SEPTIN14: variants seen among roughly 807,000 people sequenced by gnomAD.
SEPTIN14 encodes the protein septin-14.
In SEPTIN14, 40 loss-of-function variants were observed where a neutral mutation model predicts 53.6. The observed-to-expected ratio is 0.75, with a 90% CI of 0.58 to 0.97. The LOEUF is 0.97. SEPTIN14 is among the 50% of genes least tolerant of loss of function. The pLI, the probability that SEPTIN14 is intolerant of heterozygous loss-of-function variation, is 0.00. For missense variants in SEPTIN14, 471 were observed against 508.2 expected (o/e 0.93, Z 0.70); for synonymous variants, 138 against 166.8 (o/e 0.83, Z 1.33).
chr7:55,846,064 A>AATATATAT (rs1562718590), intron 3 of SEPTIN14, among the ~76,000 whole-genome samples: 2 of 7,384 alleles, frequency 2.7e-4, no homozygotes, highest in African/African-American at 5.7e-4. Context: ...AAAAAAAAAA[A>AATATATAT]GTATATATAT....
intron 6 of SEPTIN14, among the ~76,000 whole-genome samples, chr7:55,830,153 G>A (rs1789073962): frequency 6.8e-6 from 1 of 147,816 alleles, no homozygotes; most frequent in African/African-American, 2.5e-5. Flanking sequence ...ACTCCAGCCT[G>A]GGCGACAGAG....
intron 5 of SEPTIN14, among the ~76,000 whole-genome samples, chr7:55,837,555 C>T (rs755722833): frequency 1.3e-5 from 2 of 152,004 alleles, no homozygotes; most frequent in African/African-American, 4.8e-5. Context: ...TGAAAGCAGG[C>T]AGCTTGAACC....
chr7:55,830,879 T>G (rs77487852), intron 6 of SEPTIN14, among the ~76,000 whole-genome samples: 8,730 of 152,102 alleles, frequency 0.057, 458 homozygotes, highest in East Asian at 0.24. Flanking sequence ...CAGCCAAATT[T>G]TGCCACAAGT....
intron 9 of SEPTIN14, among the ~76,000 whole-genome samples, chr7:55,797,024 G>A (rs1476528968): frequency 6.6e-6 from 1 of 152,084 alleles, no homozygotes; most frequent in African/African-American, 2.4e-5. Flanking sequence ...TTGGGAGGCT[G>A]AGGCAGGAGA....
intron 2 of SEPTIN14, among the ~76,000 whole-genome samples, chr7:55,860,706 G>A (rs1033773610): frequency 1.3e-5 from 2 of 152,086 alleles, no homozygotes; most frequent in Admixed American, 6.6e-5. Flanking sequence ...AGGGGTCCTT[G>A]GAGAGGTAAT....
intron 6 of SEPTIN14, 66 bp downstream of exon 6, chr7:55,834,359 C>A: frequency 8.0e-7 from 1 of 1,245,086 alleles, no homozygotes. Flanking sequence ...ATTAAAAATT[C>A]TCACACTGGA....
intron 7 of SEPTIN14, among the ~76,000 whole-genome samples, chr7:55,816,954 G>T (rs551291517): frequency 6.6e-6 from 1 of 152,090 alleles, no homozygotes; most frequent in African/African-American, 2.4e-5. Flanking sequence ...TATGAAAAAC[G>T]GTATGGAGTT....
chr7:55,851,496 T>C (rs903174068), intron 2 of SEPTIN14, among the ~76,000 whole-genome samples: 7 of 152,110 alleles, frequency 4.6e-5, no homozygotes, highest in African/African-American at 1.7e-4. Flanking sequence ...CAATTGGCAT[T>C]TATTCTAGAA....
chr7:55,806,566 C>T (rs564524145), intron 8 of SEPTIN14, among the ~76,000 whole-genome samples: 1 of 151,466 alleles, frequency 6.6e-6, no homozygotes, highest in African/African-American at 2.4e-5. Flanking sequence ...AGGGTTCAAG[C>T]GATTCTCCTG....
At position 55,803,569 on chromosome 7, in the gene SEPTIN14, T is replaced by C. The variant is rs531210799; in HGVS notation, c.1119+1689A>G. Among the ~76,000 whole-genome samples the C allele has an allele frequency of 2.0e-5, 3 of 152,252 alleles. No homozygotes were observed. The East Asian group carries it at 5.8e-4, about 29-fold the overall frequency. On this transcript the variant is annotated intron_variant, in intron 9 of 9. Coordinates refer to ENST00000388975, the MANE Select transcript of SEPTIN14 (RefSeq NM_207366.3). ...CAGCAACCCCACTAATAGTTATGTGTTCAAAGGAAATAAAATCAGTATGTC... is the reference window on the plus strand; with the variant it reads ...CAGCAACCCCACTAATAGTTATGTGCTCAAAGGAAATAAAATCAGTATGTC...
chr7:55,847,112 G>A (rs888815129), intron 2 of SEPTIN14, among the ~76,000 whole-genome samples: 2 of 152,112 alleles, frequency 1.3e-5, no homozygotes, highest in East Asian at 1.9e-4. Flanking sequence ...GGAGGCTGAG[G>A]CAGGAGAATC....
At chr7:55,850,506 G>C (rs576265345) in intron 2 of SEPTIN14, among the ~76,000 whole-genome samples, 1 of 152,054 alleles carries the variant, frequency 6.6e-6, no homozygotes, top group Non-Finnish European at 1.5e-5. Flanking sequence ...ACCTGGCAAA[G>C]ACATCACAAA....
intron 6 of SEPTIN14, among the ~76,000 whole-genome samples, chr7:55,824,937 T>C (rs79819208): frequency 6.6e-6 from 1 of 152,160 alleles, no homozygotes; most frequent in Non-Finnish European, 1.5e-5. Context: ...GTAAGACTGG[T>C]AGTTTCTTTC....
intron 5 of SEPTIN14, among the ~76,000 whole-genome samples, chr7:55,837,951 A>G (rs1270952521): frequency 6.6e-6 from 1 of 152,218 alleles, no homozygotes; most frequent in African/African-American, 2.4e-5. Context: ...AGCAAGTGAT[A>G]AAGCAAATAT....
chr7:55,816,521 G>A (rs541068287), intron 7 of SEPTIN14, among the ~76,000 whole-genome samples: 2 of 152,072 alleles, frequency 1.3e-5, no homozygotes, highest in South Asian at 4.2e-4. Flanking sequence ...CACAGGCCCA[G>A]TGTGGTGGCT....
intron 2 of SEPTIN14, among the ~76,000 whole-genome samples, chr7:55,854,540 C>T (rs1789576555): frequency 6.6e-6 from 1 of 152,112 alleles, no homozygotes; most frequent in Admixed American, 6.5e-5. Flanking sequence ...CGCTATTCTC[C>T]TGCCTCAGCC....
chr7:55,860,636 C>T (rs1206040181), intron 2 of SEPTIN14, among the ~76,000 whole-genome samples: 1 of 152,092 alleles, frequency 6.6e-6, no homozygotes, highest in Non-Finnish European at 1.5e-5. Flanking sequence ...AATAAAATAT[C>T]ACATGTACCC....
At chr7:55,854,685 C>T (rs1422846334) in intron 2 of SEPTIN14, among the ~76,000 whole-genome samples, 1 of 152,120 alleles carries the variant, frequency 6.6e-6, no homozygotes, top group East Asian at 1.9e-4. Flanking sequence ...ACCTCGGCCT[C>T]CCAAAGTGCT....
At chr7:55,857,057 G>A (rs1169175785) in intron 2 of SEPTIN14, among the ~76,000 whole-genome samples, 4 of 151,346 alleles carry the variant, frequency 2.6e-5, no homozygotes, top group Admixed American at 6.6e-5. Flanking sequence ...GTGACAGAGC[G>A]AGACTCTATC....
Sources: gnomAD v4.1 joint callset for allele counts (sites outside exome capture counted in the v4.1 genomes callset) on GRCh38, gnomAD v4.1.1 for gene constraint, MANE v1.5 for transcripts, NCBI Gene and HGNC (gene_info 2026-07-23, HGNC 2026-07-21) for gene names.